The following AKAP6 variants were observed in gnomAD, a reference collection of about 807,000 sequenced individuals.
AKAP6 encodes A-kinase anchoring protein 6.
In AKAP6, 58 loss-of-function variants were observed where a neutral mutation model predicts 188.5. The observed-to-expected ratio is 0.31, with a 90% CI of 0.25 to 0.38. AKAP6 has a LOEUF of 0.38. AKAP6 is among the 10% of genes least tolerant of loss of function. The pLI is 1.00. For missense variants in AKAP6, 2,710 were observed against 2,740.0 expected (o/e 0.99, Z 0.24); for synonymous variants, 989 against 998.6 (o/e 0.99, Z 0.18).
At chr14:32,769,561 T>G (rs201023387) in intron 11 of AKAP6, among the ~76,000 whole-genome samples, 87,306 of 150,092 alleles carry the variant, frequency 0.58, 26,794 homozygotes, top group Admixed American at 0.7. Context: ...GGTTTTTTTT[T>G]TTTTTTTTTT....
intron 12 of AKAP6, among the ~76,000 whole-genome samples, chr14:32,795,549 A>G (rs1036137907): frequency 6.6e-6 from 1 of 152,258 alleles, no homozygotes; most frequent in African/African-American, 2.4e-5. Flanking sequence ...CTACATGATT[A>G]TCTCAATAGA....
At chr14:32,798,020 A>C (rs537349854) in intron 12 of AKAP6, among the ~76,000 whole-genome samples, 1 of 152,134 alleles carries the variant, frequency 6.6e-6, no homozygotes. Flanking sequence ...AATATCCAGA[A>C]TCTAGAAGGA....
intron 1 of AKAP6, among the ~76,000 whole-genome samples, chr14:32,391,623 G>A (rs1051905722): frequency 1.3e-5 from 2 of 152,208 alleles, no homozygotes; most frequent in African/African-American, 4.8e-5. Context: ...CCTCGGTGCT[G>A]TTGTGGTGAT....
rs780230784 is a variant in AKAP6, at chr14:32,824,822, A to G, written c.*42+7A>G. ...AAAATCATCTCACTGAAAGGTACGTATAGTCCTCATGCCGTATATGTATTT... is the reference window on the plus strand; with the variant it reads ...AAAATCATCTCACTGAAAGGTACGTGTAGTCCTCATGCCGTATATGTATTT... On this transcript the variant is annotated splice_region_variant and intron_variant, in intron 13 of 13. Transcript: ENST00000280979. The G allele has an allele frequency of 5.2e-5, 81 of 1,556,054 alleles. No homozygotes were observed. In the Admixed American group the frequency reaches 1.1e-3, roughly 21 times the overall value.
At chr14:32,366,355 T>G (rs1291047711) in intron 1 of AKAP6, among the ~76,000 whole-genome samples, 2 of 152,248 alleles carry the variant, frequency 1.3e-5, no homozygotes, top group Non-Finnish European at 2.9e-5. Flanking sequence ...GAGTTAATTC[T>G]TTGTGGGGCA....
chr14:32,732,846 A>C (rs961178855), intron 10 of AKAP6: 36 of 604,726 alleles, frequency 6.0e-5, no homozygotes, highest in African/African-American at 2.2e-4. Context: ...ATGAAAAAGT[A>C]AGTAAAATAT....
chr14:32,501,562 T>C (rs2138985245), intron 2 of AKAP6, among the ~76,000 whole-genome samples: 1 of 152,272 alleles, frequency 6.6e-6, no homozygotes, highest in South Asian at 2.1e-4. Context: ...AAATGTCATT[T>C]AGCTGTGTGC....
intron 5 of AKAP6, among the ~76,000 whole-genome samples, chr14:32,584,971 G>C (rs530219839): frequency 4.0e-5 from 6 of 151,514 alleles, no homozygotes; most frequent in African/African-American, 1.5e-4. Context: ...CTATATTTGA[G>C]TAGAAGCATA....
chr14:32,759,933 A>G (rs931278640), intron 11 of AKAP6, among the ~76,000 whole-genome samples: 5 of 152,252 alleles, frequency 3.3e-5, no homozygotes, highest in Non-Finnish European at 7.3e-5. Flanking sequence ...GTCACATGCC[A>G]TTCTAACTCT....
intron 1 of AKAP6, among the ~76,000 whole-genome samples, chr14:32,379,609 C>G (rs1888278483): frequency 1.3e-5 from 2 of 152,060 alleles, no homozygotes; most frequent in African/African-American, 4.8e-5. Flanking sequence ...GTCAGCCCCT[C>G]CTATGAGAGG....
chr14:32,383,883 C>T (rs751014526), intron 1 of AKAP6, among the ~76,000 whole-genome samples: 2 of 152,138 alleles, frequency 1.3e-5, no homozygotes, highest in South Asian at 2.1e-4. Context: ...ATCTCTCATG[C>T]GGCACTTTGC....
intron 2 of AKAP6, among the ~76,000 whole-genome samples, chr14:32,471,778 C>G (rs2138862840): frequency 6.6e-6 from 1 of 152,214 alleles, no homozygotes; most frequent in African/African-American, 2.4e-5. Context: ...AACAGTAATT[C>G]TGTTGACATT....
chr14:32,510,490 G>GTATA (rs374452403), intron 2 of AKAP6, among the ~76,000 whole-genome samples: 1 of 114,524 alleles, frequency 8.7e-6, no homozygotes, highest in African/African-American at 3.4e-5. Context: ...ATATATATGT[G>GTATA]TATATATATA....
chr14:32,755,496 CACT>C (rs1416648526), intron 11 of AKAP6, among the ~76,000 whole-genome samples: 1 of 149,348 alleles, frequency 6.7e-6, no homozygotes, highest in Admixed American at 6.6e-5. Flanking sequence ...TCTTGTAGCC[CACT>C]GAGATTAAGG....
intron 12 of AKAP6, among the ~76,000 whole-genome samples, chr14:32,784,786 C>T (rs1327351201): frequency 6.6e-6 from 1 of 152,238 alleles, no homozygotes; most frequent in East Asian, 1.9e-4. Context: ...AAGGTGTGGA[C>T]GCAGGCGTAT....
chr14:32,693,151 T>C (rs1327107629), intron 8 of AKAP6, among the ~76,000 whole-genome samples: 1 of 152,112 alleles, frequency 6.6e-6, no homozygotes, highest in East Asian at 1.9e-4. Flanking sequence ...CTTATTGAAA[T>C]GGGTCTTGTC....
At chr14:32,816,522 T>G (rs77754484) in intron 12 of AKAP6, among the ~76,000 whole-genome samples, 2,333 of 152,250 alleles carry the variant, frequency 0.015, 49 homozygotes, top group Admixed American at 0.043. Flanking sequence ...TTTATAAAAT[T>G]TCTACCTAAG....
chr14:32,762,674 GA>G (rs1365492679), intron 11 of AKAP6, among the ~76,000 whole-genome samples: 1 of 150,048 alleles, frequency 6.7e-6, no homozygotes, highest in Non-Finnish European at 1.5e-5. Flanking sequence ...TTTTCCAACA[GA>G]AAAAAATACA....
At chr14:32,395,500 C>T (rs1290959837) in intron 1 of AKAP6, among the ~76,000 whole-genome samples, 1 of 152,078 alleles carries the variant, frequency 6.6e-6, no homozygotes, top group East Asian at 1.9e-4. Flanking sequence ...CAAGCCAGGG[C>T]TGGTAGATTA....
Sources: allele counts gnomAD v4.1 joint callset (sites outside exome capture counted in the v4.1 genomes callset), GRCh38; gene constraint gnomAD v4.1.1; transcripts MANE v1.5; gene names NCBI Gene and HGNC (gene_info 2026-07-23, HGNC 2026-07-21).